Variants in ATRNL1 observed in about 807,000 individuals in gnomAD.
ATRNL1 encodes the protein attractin like 1, also known as attractin-like protein 1.
In ATRNL1, 95 loss-of-function variants were observed where a neutral mutation model predicts 182.7. That is an observed-to-expected ratio of 0.52 (90% CI 0.44 to 0.62). The LOEUF is 0.62. ATRNL1 is among the 20% of genes least tolerant of loss of function. The probability of loss-of-function intolerance (pLI) is 0.00; values close to 1 mark genes in which losing one functional copy is unlikely to be tolerated. For synonymous variants in ATRNL1, 576 were observed against 568.3 expected, an observed-to-expected ratio of 1.01 and a Z score of -0.19; for missense variants, 1,471 against 1,679.5, an observed-to-expected ratio of 0.88 and a Z score of 2.17.
chr10:115,434,874 A>G (rs1444316721), intron 21 of ATRNL1, among the ~76,000 whole-genome samples: 1 of 152,202 alleles, frequency 6.6e-6, no homozygotes, highest in African/African-American at 2.4e-5. Flanking sequence ...CCAAACTTGT[A>G]TTAGAATATG....
chr10:115,756,469 C>T (rs1359640867), intron 27 of ATRNL1, among the ~76,000 whole-genome samples: 3 of 152,062 alleles, frequency 2.0e-5, no homozygotes, highest in Admixed American at 2.0e-4. Flanking sequence ...TGTAGTTGTG[C>T]AGTTTTGAGT....
At chr10:115,325,678 T>G (rs1383922831) in intron 18 of ATRNL1, among the ~76,000 whole-genome samples, 1 of 152,170 alleles carries the variant, frequency 6.6e-6, no homozygotes, top group Non-Finnish European at 1.5e-5. Context: ...TTTTCAGAAT[T>G]TTTCTTATTC....
chr10:115,327,851 C>T (rs1348294334), intron 18 of ATRNL1, among the ~76,000 whole-genome samples: 88 of 151,666 alleles, frequency 5.8e-4, no homozygotes, highest in African/African-American at 1.4e-3. Flanking sequence ...AACCAAACAC[C>T]GCATATTCTC....
At chr10:115,181,487 T>C (rs1287110419) in intron 8 of ATRNL1, among the ~76,000 whole-genome samples, 1 of 151,798 alleles carries the variant, frequency 6.6e-6, no homozygotes, top group African/African-American at 2.4e-5. Context: ...CATTTACTTG[T>C]TAAAAAAAAT....
At position 115,630,867 on chromosome 10, in the gene ATRNL1, CACACACAT is replaced by C. The variant is rs1379882320; in HGVS notation, c.3795+81332_3795+81339del. Among the ~76,000 whole-genome samples the C allele has an allele frequency of 9.7e-4, 127 of 131,316 alleles. 1 individual carries two copies. In the East Asian group the frequency reaches 0.014, roughly 15 times the overall value. 86.1% of individuals were successfully genotyped at this position (131,316 alleles called of 152,430 possible). A position where few individuals can be genotyped will look rare whatever the true frequency, so the allele number is the denominator to read the frequency against. On this transcript the variant is annotated intron_variant, in intron 26 of 28. Transcript: ENST00000355044. Reference sequence around the variant, plus strand: ...ACACACACACACACACACACACACACACACACATTGGAATTTTTTCAGCCTTAAAAAAG... The same window carrying C: ...ACACACACACACACACACACACACACTGGAATTTTTTCAGCCTTAAAAAAG...
intron 22 of ATRNL1, among the ~76,000 whole-genome samples, chr10:115,465,881 C>T (rs1031870847): frequency 1.3e-5 from 2 of 151,466 alleles, no homozygotes; most frequent in South Asian, 2.1e-4. Flanking sequence ...TCTTATTTGC[C>T]TCCTGGAAAC....
chr10:115,145,722 A>T (rs1418020742), intron 5 of ATRNL1, among the ~76,000 whole-genome samples: 1 of 152,156 alleles, frequency 6.6e-6, no homozygotes, highest in Non-Finnish European at 1.5e-5. Context: ...AAATCATAAG[A>T]CTATATCTGG....
At chr10:115,461,245 A>G (rs897979058) in intron 21 of ATRNL1, among the ~76,000 whole-genome samples, 81 of 152,228 alleles carry the variant, frequency 5.3e-4, no homozygotes, top group African/African-American at 1.9e-3. Context: ...GTTATTAGCA[A>G]TACATCACCT....
chr10:115,095,487 TTAAC>T (rs1407856874), intron 1 of ATRNL1, among the ~76,000 whole-genome samples: 4 of 152,234 alleles, frequency 2.6e-5, no homozygotes, highest in Admixed American at 6.5e-5. Flanking sequence ...ATGATTTAAA[TTAAC>T]TAGTAGGTTT....
intron 26 of ATRNL1, among the ~76,000 whole-genome samples, chr10:115,694,976 A>AT: frequency 6.7e-6 from 1 of 150,198 alleles, no homozygotes; most frequent in Non-Finnish European, 1.5e-5. Flanking sequence ...ATCTTCATCC[A>AT]TTTTTATGAC....
intron 13 of ATRNL1, among the ~76,000 whole-genome samples, chr10:115,271,236 C>T (rs1851849461): frequency 6.6e-6 from 1 of 151,232 alleles, no homozygotes; most frequent in African/African-American, 2.4e-5. Context: ...GAAATACAGT[C>T]CTTATTTCTG....
intron 26 of ATRNL1, among the ~76,000 whole-genome samples, chr10:115,665,780 A>G (rs1860965562): frequency 6.6e-6 from 1 of 152,154 alleles, no homozygotes; most frequent in Non-Finnish European, 1.5e-5. Flanking sequence ...ATTCGCCTGA[A>G]TAAGGCAGAC....
At chr10:115,562,068 C>A (rs12766497) in intron 26 of ATRNL1, among the ~76,000 whole-genome samples, 1 of 151,944 alleles carries the variant, frequency 6.6e-6, no homozygotes, top group Non-Finnish European at 1.5e-5. Flanking sequence ...AAAACTTTTA[C>A]GTTAATGTTT....
At chr10:115,245,433 A>G (rs1850587358) in intron 10 of ATRNL1, among the ~76,000 whole-genome samples, 1 of 133,038 alleles carries the variant, frequency 7.5e-6, no homozygotes, top group Non-Finnish European at 1.5e-5. Flanking sequence ...CTGGAGGTGG[A>G]GGTTTCAGTG....
intron 1 of ATRNL1, among the ~76,000 whole-genome samples, chr10:115,110,751 A>G (rs966182539): frequency 6.6e-6 from 1 of 152,260 alleles, no homozygotes; most frequent in Admixed American, 6.5e-5. Context: ...TGAGTTAACC[A>G]GAAAATTAAA....
intron 15 of ATRNL1, among the ~76,000 whole-genome samples, chr10:115,296,710 G>A (rs1228090661): frequency 6.6e-6 from 1 of 151,946 alleles, no homozygotes; most frequent in East Asian, 1.9e-4. Context: ...GGGATTAATA[G>A]GGTAAAGAAA....
intron 26 of ATRNL1, among the ~76,000 whole-genome samples, chr10:115,575,457 A>G (rs942355129): frequency 1.3e-5 from 2 of 152,086 alleles, no homozygotes; most frequent in Non-Finnish European, 2.9e-5. Context: ...CTGAAATTTT[A>G]GTGTTGTTGA....
intron 26 of ATRNL1, among the ~76,000 whole-genome samples, chr10:115,703,511 T>C (rs1321944464): frequency 4.6e-5 from 7 of 151,842 alleles, no homozygotes; most frequent in African/African-American, 1.7e-4. Flanking sequence ...ACCTCTGGAG[T>C]GATAAGCAGG....
intron 26 of ATRNL1, among the ~76,000 whole-genome samples, chr10:115,573,997 A>G (rs1456302826): frequency 6.6e-6 from 1 of 152,194 alleles, no homozygotes; most frequent in East Asian, 1.9e-4. Context: ...ACAGACAGGA[A>G]AGAAATGGGT....
Sources: gnomAD v4.1 joint callset for allele counts (sites outside exome capture counted in the v4.1 genomes callset) on GRCh38, gnomAD v4.1.1 for gene constraint, MANE v1.5 for transcripts, NCBI Gene and HGNC (gene_info 2026-07-23, HGNC 2026-07-21) for gene names.